The following NCKAP5 variants were observed in gnomAD, a reference collection of about 807,000 sequenced individuals.
The protein encoded by NCKAP5 is NCK associated protein 5.
A neutral mutation model predicts 167.0 loss-of-function variants in NCKAP5; 92 were observed. That is an observed-to-expected ratio of 0.55 (90% CI 0.47 to 0.66). NCKAP5 has a LOEUF of 0.66. NCKAP5 is among the 30% of genes least tolerant of loss of function. The probability of loss-of-function intolerance (pLI) is 0.00; values close to 1 mark genes in which losing one functional copy is unlikely to be tolerated. For synonymous variants in NCKAP5, 891 were observed against 877.4 expected (o/e 1.02, Z -0.27); for missense variants, 2,378 against 2,315.0 (o/e 1.03, Z -0.56).
At chr2:133,226,635 AC>A in intron 4 of NCKAP5, among the ~76,000 whole-genome samples, 1 of 151,708 alleles carries the variant, frequency 6.6e-6, no homozygotes, top group South Asian at 2.1e-4. Flanking sequence ...ACACACACAC[AC>A]ACACAGGAAG....
At chr2:132,906,304 T>C (rs145734461) in intron 8 of NCKAP5, among the ~76,000 whole-genome samples, 95 of 152,294 alleles carry the variant, frequency 6.2e-4, no homozygotes, top group African/African-American at 2.2e-3. Flanking sequence ...AGGGAATGAA[T>C]TCCAATTTAA....
intron 5 of NCKAP5, among the ~76,000 whole-genome samples, chr2:133,203,710 A>C (rs1031344282): frequency 6.6e-6 from 1 of 152,174 alleles, no homozygotes; most frequent in African/African-American, 2.4e-5. Context: ...GCAGTCCTGG[A>C]GTCAGCAGGG....
intron 4 of NCKAP5, among the ~76,000 whole-genome samples, chr2:133,296,289 C>T (rs916398395): frequency 3.9e-5 from 6 of 152,114 alleles, no homozygotes; most frequent in African/African-American, 1.4e-4. Context: ...AGCTTCGACT[C>T]CCTATGATTT....
intron 3 of NCKAP5, among the ~76,000 whole-genome samples, chr2:133,308,686 A>ATTTTTTTT (rs1559371090): frequency 8.4e-6 from 1 of 118,800 alleles, no homozygotes; most frequent in African/African-American, 3.1e-5. Flanking sequence ...AAGAAATACA[A>ATTTTTTTT]TTCTTTTTTT....
At chr2:133,362,128 G>A (rs1685152847) in intron 3 of NCKAP5, among the ~76,000 whole-genome samples, 1 of 152,234 alleles carries the variant, frequency 6.6e-6, no homozygotes. Context: ...ACAAGGATGG[G>A]ATTGTCTTAT....
chr2:132,806,283 G>C (rs891775708), intron 11 of NCKAP5, among the ~76,000 whole-genome samples: 1 of 152,122 alleles, frequency 6.6e-6, no homozygotes, highest in Admixed American at 6.6e-5. Flanking sequence ...CCTCTGGGTA[G>C]ATACCCAGTA....
In NCKAP5 at chr2:133,199,068, A is replaced by G. The variant is rs1376430335; in HGVS notation, c.207+14648T>C. Among the ~76,000 whole-genome samples, 6 of 152,066 alleles carry G rather than the reference A, an allele frequency of 3.9e-5. No homozygotes were observed. The East Asian group carries it at 5.8e-4, about 15-fold the overall frequency. The stretch of plus-strand genomic sequence containing the variant: ...GGATATCTACATTTAAAAAAATACA[A>G]CTTAACCCCTAAACACACATCATAG... On this transcript the variant is annotated intron_variant, in intron 5 of 19. Coordinates refer to ENST00000409261, the MANE Select transcript of NCKAP5 (RefSeq NM_207363.3).
intron 3 of NCKAP5, among the ~76,000 whole-genome samples, chr2:133,304,858 C>G (rs1037391357): frequency 1.3e-5 from 2 of 152,180 alleles, no homozygotes; most frequent in Non-Finnish European, 2.9e-5. Flanking sequence ...GGATTCGTTT[C>G]ATGTTGGTTA....
chr2:133,587,291 C>A, the NCKAP5 span, among the ~76,000 whole-genome samples: 10 of 152,210 alleles, frequency 6.6e-5, no homozygotes, highest in South Asian at 2.1e-3. Flanking sequence ...CCAGTGGCAC[C>A]ATCCTCTCAG....
intron 8 of NCKAP5, among the ~76,000 whole-genome samples, chr2:132,905,761 A>G (rs1306312290): frequency 6.6e-6 from 1 of 152,198 alleles, no homozygotes; most frequent in Non-Finnish European, 1.5e-5. Flanking sequence ...ACAGAAAACT[A>G]CTGATTTTTA....
chr2:133,253,902 C>T (rs1339093649), intron 4 of NCKAP5, among the ~76,000 whole-genome samples: 3 of 152,164 alleles, frequency 2.0e-5, no homozygotes, highest in South Asian at 4.1e-4. Flanking sequence ...TAAGGCTGGA[C>T]TCCAGCATGT....
At chr2:133,555,103 T>G (rs1687645275) in intron 2 of NCKAP5, among the ~76,000 whole-genome samples, 1 of 152,192 alleles carries the variant, frequency 6.6e-6, no homozygotes, top group East Asian at 1.9e-4. Context: ...GCTTTACAAT[T>G]CTCATAATTA....
At chr2:133,482,376 C>CCCA (rs1349536311) in intron 3 of NCKAP5, among the ~76,000 whole-genome samples, 1 of 152,038 alleles carries the variant, frequency 6.6e-6, no homozygotes, top group Non-Finnish European at 1.5e-5. Flanking sequence ...TGCCACCTCA[C>CCCA]CCAGCTAATT....
intron 6 of NCKAP5, among the ~76,000 whole-genome samples, chr2:133,035,661 T>A (rs980774373): frequency 6.6e-6 from 1 of 151,668 alleles, no homozygotes; most frequent in African/African-American, 2.4e-5. Flanking sequence ...ATGGGATCAC[T>A]GAAAGAATTC....
intron 6 of NCKAP5, among the ~76,000 whole-genome samples, chr2:133,055,101 CA>C (rs2079750266): frequency 6.6e-6 from 1 of 151,974 alleles, no homozygotes; most frequent in African/African-American, 2.4e-5. Flanking sequence ...GGTGGTATCA[CA>C]AAGGAACAAA....
the NCKAP5 span, among the ~76,000 whole-genome samples, chr2:133,578,505 T>C: frequency 2.6e-5 from 4 of 152,338 alleles, no homozygotes; most frequent in South Asian, 8.3e-4. Flanking sequence ...AGGACCCTTC[T>C]TCCCCAAGTG....
chr2:133,473,844 C>A lies in NCKAP5; in HGVS notation c.69+43614G>T, dbSNP rs1404716260. On this transcript the variant is annotated intron_variant, in intron 3 of 19. Coordinates refer to ENST00000409261, the MANE Select transcript of NCKAP5 (RefSeq NM_207363.3). ...AATTGGCAAGCCAGTTACTACAGAGCTACAAATTCAAACATGTATCTAGAG... is the reference window on the plus strand; with the variant it reads ...AATTGGCAAGCCAGTTACTACAGAGATACAAATTCAAACATGTATCTAGAG... Among the ~76,000 whole-genome samples, 5 of 152,206 alleles carry A rather than the reference C, an allele frequency of 3.3e-5. No individual in the cohort carries two copies. The East Asian group carries it at 9.7e-4, about 29-fold the overall frequency.
chr2:132,794,237 T>C (rs1488435608), intron 12 of NCKAP5, among the ~76,000 whole-genome samples: 1 of 48,322 alleles, frequency 2.1e-5, no homozygotes, highest in African/African-American at 7.6e-5. Flanking sequence ...TATATATATA[T>C]ATATATATAT....
At chr2:133,218,522 T>C (rs764876112) in intron 4 of NCKAP5, among the ~76,000 whole-genome samples, 1 of 152,192 alleles carries the variant, frequency 6.6e-6, no homozygotes, top group African/African-American at 2.4e-5. Flanking sequence ...GTCTTGGAGA[T>C]ACCCAGGGTC....
Sources: gnomAD v4.1 joint callset for allele counts (sites outside exome capture counted in the v4.1 genomes callset) on GRCh38, gnomAD v4.1.1 for gene constraint, MANE v1.5 for transcripts, NCBI Gene and HGNC (gene_info 2026-07-23, HGNC 2026-07-21) for gene names.